COLQ: variants seen among roughly 807,000 people sequenced by gnomAD.
COLQ encodes the protein acetylcholinesterase collagenic tail peptide.
Under a neutral mutation model 69.0 loss-of-function variants are expected in COLQ, and 48 were observed. The observed-to-expected ratio is 0.70, with a 90% CI of 0.55 to 0.88. The LOEUF is 0.88. COLQ is among the 40% of genes least tolerant of loss of function. The pLI, the probability that COLQ is intolerant of heterozygous loss-of-function variation, is 0.00. For synonymous variants in COLQ, 217 were observed against 211.2 expected (o/e 1.03, Z -0.24); for missense variants, 618 against 594.6 (o/e 1.04, Z -0.41).
rs764899476 is a variant in COLQ at position 15,479,042 on chromosome 3, G to A, written c.367-39C>T. On this transcript the variant is annotated intron_variant, in intron 4 of 16. Coordinates refer to ENST00000383788, the MANE Select transcript of COLQ (RefSeq NM_005677.4). ...AGACAGGTAAGGAGAGGCTGCTTTG[G>A]AAGAGATGTTCTGGAAGCAGAAGCC... 4 of 1,613,580 alleles carry A rather than the reference G, an allele frequency of 2.5e-6. No individual in the cohort carries two copies. The African/African-American group carries it at 5.3e-5, about 22-fold the overall frequency.
chr3:15,489,581 T>C lies in COLQ; in HGVS notation c.163A>G (p.Thr55Ala), dbSNP rs1264366946. ...GGGAACAGTGGTGGTGGAGGAGGCG[T>C]CAGCAGGCAGCATGCTTTGTGGCCA... ...RGGHKACCLLTPPPPPLFPPP... is the reference protein window; with the variant it reads ...RGGHKACCLLAPPPPPLFPPP... The change falls in exon 2 of 17, where the codon ACG becomes GCG. Residue 55 changes from threonine to alanine, a missense_variant. Thr to Ala is a moderately conservative substitution (Grantham distance 58, BLOSUM62 0). Transcript: ENST00000383788. 8.1e-6 allele frequency: 13 copies of C among 1,613,992 alleles called. No individual in the cohort carries two copies. Among genetic ancestry groups the C allele is most frequent in the African/African-American group, 1.3e-5 (1 of 74,872 alleles).
At chr3:15,475,058 T>A in intron 7 of COLQ, 107 bp from the exon 8 acceptor site, 2 of 1,238,776 alleles carry the variant, frequency 1.6e-6, no homozygotes, top group Non-Finnish European at 2.4e-6. Context: ...TGTCTCCACA[T>A]TGCACTGTGA....
At chr3:15,494,274 G>A (rs1252557717) in intron 1 of COLQ, among the ~76,000 whole-genome samples, 1 of 152,166 alleles carries the variant, frequency 6.6e-6, no homozygotes, top group African/African-American at 2.4e-5. Context: ...TGCAGGTGTG[G>A]GGAGGACAGG....
At chr3:15,481,797 C>T (rs1052475882) in intron 3 of COLQ, among the ~76,000 whole-genome samples, 3 of 152,110 alleles carry the variant, frequency 2.0e-5, no homozygotes, top group Non-Finnish European at 2.9e-5. Flanking sequence ...CTATAAATTA[C>T]CTTGGGCAGT....
chr3:15,497,419 G>A (rs2062761484), intron 1 of COLQ, among the ~76,000 whole-genome samples: 1 of 151,984 alleles, frequency 6.6e-6, no homozygotes, highest in South Asian at 2.1e-4. Context: ...CTCTTGCAAG[G>A]CCAGCCCCAC....
intron 1 of COLQ, among the ~76,000 whole-genome samples, chr3:15,505,519 A>T (rs574678681): frequency 6.6e-6 from 1 of 152,334 alleles, no homozygotes; most frequent in Non-Finnish European, 1.5e-5. Context: ...TTCTAATTTG[A>T]CCAAATGGCA....
intron 15 of COLQ, among the ~76,000 whole-genome samples, chr3:15,455,214 T>C (rs975689886): frequency 6.6e-6 from 1 of 152,172 alleles, no homozygotes; most frequent in Non-Finnish European, 1.5e-5. Context: ...GAGCTGTAAA[T>C]TGCCCCCCAT....
chr3:15,451,715 T>C lies in COLQ; in HGVS notation c.1299-2A>G. On this transcript the variant is annotated splice_acceptor_variant, in intron 16 of 16. Coordinates refer to ENST00000383788, the MANE Select transcript of COLQ (RefSeq NM_005677.4). LOFTEE classifies it high-confidence loss of function. ...GTGCATTGCAGGTCTCCATATGACCTGAGGGAGGCAAAGACACGTTCTAAA... is the reference window on the plus strand; with the variant it reads ...GTGCATTGCAGGTCTCCATATGACCCGAGGGAGGCAAAGACACGTTCTAAA... 6.2e-7 allele frequency: 1 copy of C among 1,613,800 alleles called. No homozygotes were observed. The highest frequency in any genetic ancestry group is 2.2e-5 in the East Asian group (1 of 44,884).
At chr3:15,457,320 T>C (rs1289225447) in intron 13 of COLQ, among the ~76,000 whole-genome samples, 2 of 151,582 alleles carry the variant, frequency 1.3e-5, no homozygotes, top group Non-Finnish European at 2.9e-5. Flanking sequence ...ACACCAACAC[T>C]GGTTAAGTAA....
At chr3:15,466,150 A>G (rs1316459366) in intron 12 of COLQ, among the ~76,000 whole-genome samples, 191 bp downstream of exon 12, 1 of 152,266 alleles carries the variant, frequency 6.6e-6, no homozygotes, top group Non-Finnish European at 1.5e-5. Context: ...AAACAAATTC[A>G]GAATGGCATT....
chr3:15,512,537 C>T (rs532066329), intron 1 of COLQ, among the ~76,000 whole-genome samples: 210 of 152,274 alleles, frequency 1.4e-3, no homozygotes, highest in Non-Finnish European at 2.7e-3. Flanking sequence ...TTTATAAATG[C>T]AAAGTGGGTG....
At chr3:15,485,060 T>G (rs1269654207) in intron 3 of COLQ, among the ~76,000 whole-genome samples, 7 of 152,224 alleles carry the variant, frequency 4.6e-5, no homozygotes, top group Admixed American at 3.3e-4. Flanking sequence ...ATGATGGTGA[T>G]GTACAGATGG....
chr3:15,507,119 G>T (rs1170849910), intron 1 of COLQ, among the ~76,000 whole-genome samples: 1 of 151,992 alleles, frequency 6.6e-6, no homozygotes, highest in Non-Finnish European at 1.5e-5. Flanking sequence ...TTCTATGGCT[G>T]CATAATATCC....
chr3:15,493,366 C>T (rs574326473), intron 1 of COLQ, among the ~76,000 whole-genome samples: 1 of 152,354 alleles, frequency 6.6e-6, no homozygotes, highest in Admixed American at 6.5e-5. Flanking sequence ...TAACAACTGT[C>T]AGAAAGAGCT....
chr3:15,471,235 A>T (rs1203992667), intron 10 of COLQ, among the ~76,000 whole-genome samples: 1 of 152,254 alleles, frequency 6.6e-6, no homozygotes, highest in Non-Finnish European at 1.5e-5. Context: ...GAGATGTTCC[A>T]AACATATGTT....
At chr3:15,461,397 C>T (rs1417364085) in intron 12 of COLQ, among the ~76,000 whole-genome samples, 1 of 152,086 alleles carries the variant, frequency 6.6e-6, no homozygotes, top group Non-Finnish European at 1.5e-5. Flanking sequence ...CATCTGTTAC[C>T]CCTGCCTGTT....
chr3:15,510,858 AGAAG>A (rs10546993), intron 1 of COLQ, among the ~76,000 whole-genome samples: 32,775 of 146,432 alleles, frequency 0.22, 3,832 homozygotes, highest in African/African-American at 0.27. Flanking sequence ...GAGGAAGGAA[AGAAG>A]GAAGGAAGGA....
chr3:15,498,118 C>A (rs551311851), intron 1 of COLQ, among the ~76,000 whole-genome samples: 3 of 152,142 alleles, frequency 2.0e-5, no homozygotes, highest in Non-Finnish European at 4.4e-5. Context: ...CCAACGCCAG[C>A]GGGGGCCCAG....
intron 1 of COLQ, among the ~76,000 whole-genome samples, chr3:15,502,570 T>C (rs1486157883): frequency 1.3e-5 from 2 of 152,118 alleles, no homozygotes; most frequent in Admixed American, 6.5e-5. Context: ...AAAAACACCA[T>C]GCCTGGCTGT....
Sources: gnomAD v4.1 joint callset for allele counts (sites outside exome capture counted in the v4.1 genomes callset) on GRCh38, gnomAD v4.1.1 for gene constraint, MANE v1.5 for transcripts, NCBI Gene and HGNC (gene_info 2026-07-23, HGNC 2026-07-21) for gene names.